The following DAB1 variants were observed in gnomAD, a reference collection of about 807,000 sequenced individuals.
DAB1 encodes DAB adaptor protein 1.
Under a neutral mutation model 64.6 loss-of-function variants are expected in DAB1, and 15 were observed. The observed-to-expected ratio is 0.23, with a 90% CI of 0.16 to 0.36. The LOEUF is 0.36. DAB1 is among the 10% of genes least tolerant of loss of function. The pLI is 1.00. For missense variants in DAB1, 596 were observed against 706.7 expected, an observed-to-expected ratio of 0.84 and a Z score of 1.78; for synonymous variants, 235 against 251.9, an observed-to-expected ratio of 0.93 and a Z score of 0.64.
At chr1:57,455,716 G>T (rs1686563569) in intron 7 of DAB1, among the ~76,000 whole-genome samples, 1 of 152,064 alleles carries the variant, frequency 6.6e-6, no homozygotes, top group Non-Finnish European at 1.5e-5. Context: ...AGAAGGCAGG[G>T]CCCTAGACTC....
intron 6 of DAB1, among the ~76,000 whole-genome samples, chr1:57,780,662 T>C (rs1405402257): frequency 6.6e-6 from 1 of 152,114 alleles, no homozygotes; most frequent in Non-Finnish European, 1.5e-5. Flanking sequence ...AAAATTACCA[T>C]ATTCCTACTA....
chr1:57,592,695 C>T (rs1056375716), intron 7 of DAB1, among the ~76,000 whole-genome samples: 5 of 152,114 alleles, frequency 3.3e-5, no homozygotes, highest in African/African-American at 9.7e-5. Flanking sequence ...ATTACATTTA[C>T]ACCAATATAA....
intron 7 of DAB1, among the ~76,000 whole-genome samples, chr1:57,472,317 C>T (rs554308454): frequency 9.8e-5 from 15 of 152,310 alleles, no homozygotes; most frequent in African/African-American, 3.1e-4. Context: ...AATGCTGTTA[C>T]CAGCTTGATT....
At chr1:57,667,806 C>T (rs1435358640) in intron 6 of DAB1, among the ~76,000 whole-genome samples, 1 of 152,044 alleles carries the variant, frequency 6.6e-6, no homozygotes, top group Admixed American at 6.6e-5. Context: ...TATCCTCACT[C>T]ATAAGTGAGA....
chr1:57,023,697 T>C (rs1310769005), intron 10 of DAB1, 58 bp from the exon 11 acceptor site: 1 of 1,153,628 alleles, frequency 8.7e-7, no homozygotes, highest in African/African-American at 1.5e-5. Context: ...TCATCAAGGC[T>C]GGGAGGTAGC....
chr1:57,036,597 C>T (rs148990815), intron 9 of DAB1, among the ~76,000 whole-genome samples: 75 of 152,306 alleles, frequency 4.9e-4, no homozygotes, highest in African/African-American at 1.8e-3. Context: ...CACTTGAGTT[C>T]TAATTCATTT....
At chr1:57,446,404 C>T (rs905659578) in intron 7 of DAB1, among the ~76,000 whole-genome samples, 1 of 151,954 alleles carries the variant, frequency 6.6e-6, no homozygotes, top group East Asian at 1.9e-4. Flanking sequence ...TCGAGACCAG[C>T]CTCACCCACA....
At chr1:58,277,061 A>G (rs1661465804) in intron 4 of DAB1, among the ~76,000 whole-genome samples, 1 of 122,974 alleles carries the variant, frequency 8.1e-6, no homozygotes, top group Non-Finnish European at 1.6e-5. Context: ...TTTTTTTGAG[A>G]CAGAGTCTCG....
intron 5 of DAB1, among the ~76,000 whole-genome samples, chr1:58,009,736 A>G (rs1158473743): frequency 1.3e-5 from 2 of 152,214 alleles, no homozygotes; most frequent in Non-Finnish European, 2.9e-5. Context: ...CCATAGTGGA[A>G]TATTTCCAGG....
intron 6 of DAB1, among the ~76,000 whole-genome samples, chr1:57,710,519 T>C (rs187040626): frequency 6.6e-6 from 1 of 152,316 alleles, no homozygotes; most frequent in East Asian, 1.9e-4. Flanking sequence ...AGTTTCACCA[T>C]GAGAGAGCTT....
chr1:58,074,564 G>GTGTGTGTGTATATATATATA (rs1332531604), intron 5 of DAB1: 14 of 91,634 alleles, frequency 1.5e-4, no homozygotes, highest in African/African-American at 4.8e-4. Context: ...ATATATGTGT[G>GTGTGTGTGTATATATATATA]TATATATATA....
chr1:58,235,438 A>G (rs1659977414), intron 4 of DAB1, among the ~76,000 whole-genome samples: 1 of 152,244 alleles, frequency 6.6e-6, no homozygotes. Flanking sequence ...TGAGGGTAAA[A>G]AGATAAGGGA....
At chr1:58,545,330 C>T (rs1646683630) in intron 1 of DAB1, among the ~76,000 whole-genome samples, 1 of 152,180 alleles carries the variant, frequency 6.6e-6, no homozygotes, top group Non-Finnish European at 1.5e-5. Context: ...CCCAACACTA[C>T]GCATATATAA....
intron 1 of DAB1, among the ~76,000 whole-genome samples, chr1:57,315,896 T>C (rs1675157635): frequency 6.6e-6 from 1 of 152,198 alleles, no homozygotes; most frequent in African/African-American, 2.4e-5. Context: ...ACTGTTATTG[T>C]AAGTACAGGT....
intron 1 of DAB1, among the ~76,000 whole-genome samples, chr1:57,340,492 G>A (rs1382716908): frequency 6.6e-6 from 1 of 152,120 alleles, no homozygotes; most frequent in East Asian, 1.9e-4. Context: ...TGAATTGATC[G>A]GGCAGCCATC....
chr1:57,279,838 G>A (rs1671748042), intron 2 of DAB1, among the ~76,000 whole-genome samples: 1 of 152,224 alleles, frequency 6.6e-6, no homozygotes, highest in South Asian at 2.1e-4. Context: ...TCACAGACAA[G>A]AGATGTGAAG....
At position 58,429,754 on chromosome 1, in the gene DAB1, C is replaced by A. The variant is rs181402191; in HGVS notation, n.257+76306G>T. The stretch of plus-strand genomic sequence containing the variant: ...ATAGTCAGGGGCAAGGAACCCCACT[C>A]CCTGAGCACCGCTTGCTTTCAGTGT... On this transcript the variant is annotated intron_variant and non_coding_transcript_variant, in intron 3 of 20. Coordinates refer to the DAB1 transcript ENST00000485760. Among the ~76,000 whole-genome samples, 63 of 152,350 alleles carry A rather than the reference C, an allele frequency of 4.1e-4. 1 individual carries two copies. The highest frequency in any genetic ancestry group is 3.1e-4 in the Non-Finnish European group (21 of 68,034).
chr1:57,891,513 T>C (rs1213605415), intron 5 of DAB1, among the ~76,000 whole-genome samples: 2 of 152,200 alleles, frequency 1.3e-5, no homozygotes, highest in African/African-American at 2.4e-5. Context: ...ACTGGCTATA[T>C]ACCCAAAGGA....
At chr1:57,770,684 G>C (rs1410382683) in intron 6 of DAB1, among the ~76,000 whole-genome samples, 1 of 151,974 alleles carries the variant, frequency 6.6e-6, no homozygotes, top group Non-Finnish European at 1.5e-5. Context: ...TCTAATACAA[G>C]TTTAATAATA....
Sources: gnomAD v4.1 joint callset for allele counts (sites outside exome capture counted in the v4.1 genomes callset) on GRCh38, gnomAD v4.1.1 for gene constraint, MANE v1.5 for transcripts, NCBI Gene and HGNC (gene_info 2026-07-23, HGNC 2026-07-21) for gene names.